Variants in SUB1 observed in about 807,000 individuals in gnomAD.
SUB1 encodes SUB1 regulator of transcription.
In SUB1, 1 loss-of-function variant was observed where a neutral mutation model predicts 16.9. That is an observed-to-expected ratio of 0.06 (90% CI 0.02 to 0.28). SUB1 has a LOEUF of 0.28. Ranked by LOEUF, SUB1 falls within the 10% of genes least tolerant of loss-of-function variation. The pLI is 1.00. For missense variants in SUB1, 84 were observed against 145.2 expected (o/e 0.58, Z 2.16); for synonymous variants, 51 against 46.9 (o/e 1.09, Z -0.36).
intron 2 of SUB1, among the ~76,000 whole-genome samples, chr5:32,589,736 A>G (rs1193860564): frequency 6.6e-6 from 1 of 152,358 alleles, no homozygotes; most frequent in Admixed American, 6.5e-5. Flanking sequence ...TAGAAATAGA[A>G]TAAGTTGGTC....
chr5:32,596,369 A>G (rs2111676551), intron 3 of SUB1: 1 of 152,290 alleles, frequency 6.6e-6, no homozygotes, highest in East Asian at 1.9e-4. Flanking sequence ...TTTCTGAAGC[A>G]TCTTTTTAAA....
chr5:32,591,770 G>T (rs1479255996), intron 3 of SUB1, 85 bp downstream of exon 3: 2 of 1,400,364 alleles, frequency 1.4e-6, no homozygotes, highest in Admixed American at 2.8e-5. Context: ...GCGCCATCTC[G>T]GCTCACTGCA....
Position 32,598,665 on chromosome 5 carries a change from A to G in SUB1, c.196-296A>G, listed in dbSNP as rs536326800. On this transcript the variant is annotated intron_variant, in intron 3 of 4. Transcript: ENST00000265073. Reference sequence around the variant, plus strand: ...CCTCATATCTAGGTATGTTTTATGCATTCATGACATACCTAACTTTTTCTT... The same window carrying G: ...CCTCATATCTAGGTATGTTTTATGCGTTCATGACATACCTAACTTTTTCTT... The G allele has an allele frequency of 2.2e-5, 5 of 227,628 alleles. No individual in the cohort carries two copies. The South Asian group carries it at 5.4e-4, about 24-fold the overall frequency. The allele number at this position is 227,628 out of a possible 1,614,324, so 14.1% of individuals were successfully genotyped here. A position where few individuals can be genotyped will look rare whatever the true frequency, so the allele number is the denominator to read the frequency against.
chr5:32,586,227 CA>C (rs1182871508), intron 1 of SUB1: 1 of 152,302 alleles, frequency 6.6e-6, no homozygotes, highest in Non-Finnish European at 1.5e-5. Context: ...GGCTGCTAGC[CA>C]CGGGGTTCTA....
chr5:32,600,597 C>T (rs73063658), intron 4 of SUB1, among the ~76,000 whole-genome samples: 24 of 148,200 alleles, frequency 1.6e-4, no homozygotes, highest in African/African-American at 6.0e-4. Flanking sequence ...GCATTGTGTC[C>T]AAGTGGCAAT....
intron 3 of SUB1, 62 bp from the exon 4 acceptor site, chr5:32,598,899 A>G: frequency 7.8e-7 from 1 of 1,278,524 alleles, no homozygotes; most frequent in Non-Finnish European, 1.1e-6. Context: ...GAATATGAAT[A>G]CAATTGAAAC....
chr5:32,591,968 G>A (rs1738839480), intron 3 of SUB1, among the ~76,000 whole-genome samples: 1 of 152,198 alleles, frequency 6.6e-6, no homozygotes, highest in Non-Finnish European at 1.5e-5. Context: ...AAAGTGCTGG[G>A]TTTACAGGTG....
Position 32,601,262 on chromosome 5 carries a change from G to A in SUB1, c.*178G>A, listed in dbSNP as rs1043308907. The A allele has an allele frequency of 3.9e-5, 22 of 557,734 alleles. No individual in the cohort carries two copies. Among genetic ancestry groups the A allele is most frequent in the African/African-American group, 3.7e-4 (19 of 51,456 alleles). 34.5% of individuals were successfully genotyped at this position (557,734 alleles called of 1,614,324 possible). ...TTAAAAATATTGAGTGAAGCTAATT[G>A]TCAACTTTATTAAGGATTACTTTGT... On this transcript the variant is annotated 3_prime_UTR_variant, in exon 5 of 5. Coordinates refer to ENST00000265073, the MANE Select transcript of SUB1 (RefSeq NM_006713.4).
chr5:32,588,438 T>C, intron 1 of SUB1, 74 bp from the exon 2 acceptor site: 3 of 1,342,554 alleles, frequency 2.2e-6, no homozygotes, highest in Non-Finnish European at 3.1e-6. Context: ...ATTTTTTTCT[T>C]TGATTGGGGG....
At chr5:32,589,464 G>A (rs1738761535) in intron 2 of SUB1, among the ~76,000 whole-genome samples, 1 of 152,146 alleles carries the variant, frequency 6.6e-6, no homozygotes, top group African/African-American at 2.4e-5. Flanking sequence ...TTTAGACTTG[G>A]TACATTTTTA....
At chr5:32,592,907 G>C (rs1227983135) in intron 3 of SUB1, among the ~76,000 whole-genome samples, 1 of 152,212 alleles carries the variant, frequency 6.6e-6, no homozygotes, top group Non-Finnish European at 1.5e-5. Flanking sequence ...GGTTAAGAGA[G>C]AGGGTGAAGG....
chr5:32,600,948 G>C, intron 4 of SUB1, 57 bp from the exon 5 acceptor site: 2 of 1,511,902 alleles, frequency 1.3e-6, no homozygotes. Context: ...TTGGAAGTAT[G>C]AAAATCCTCA....
rs139066611 is a variant in SUB1, at chr5:32,587,150, G to GCTA, written c.-1-1359_-1-1357dup. Among the ~76,000 whole-genome samples, 1,105 of 152,226 alleles carry GCTA rather than the reference G, an allele frequency of 7.3e-3. 19 individuals carry two copies. Among genetic ancestry groups the GCTA allele is most frequent in the African/African-American group, 0.026 (1,072 of 41,542 alleles). ...CTAAGCATGTGGGAGTTATTTATGT[G>GCTA]CTACTGCTCAAGATCATCGCCAAGG... On this transcript the variant is annotated intron_variant, in intron 1 of 4. Coordinates refer to ENST00000265073, the MANE Select transcript of SUB1 (RefSeq NM_006713.4).
intron 3 of SUB1, among the ~76,000 whole-genome samples, chr5:32,593,911 C>G (rs1738892519): frequency 6.6e-6 from 1 of 152,120 alleles, no homozygotes; most frequent in South Asian, 2.1e-4. Flanking sequence ...CCAGGATGGT[C>G]TCGATCTCTT....
intron 3 of SUB1, among the ~76,000 whole-genome samples, 183 bp downstream of exon 3, chr5:32,591,868 T>C (rs1238135985): frequency 6.6e-6 from 1 of 151,968 alleles, no homozygotes; most frequent in Admixed American, 6.6e-5. Context: ...CCTGGCTAAT[T>C]TTTGTATTTT....
chr5:32,590,106 A>G (rs1456291810), intron 2 of SUB1, among the ~76,000 whole-genome samples: 1 of 152,204 alleles, frequency 6.6e-6, no homozygotes, highest in African/African-American at 2.4e-5. Flanking sequence ...ACTATTCCAC[A>G]GGGAATACTT....
intron 2 of SUB1, among the ~76,000 whole-genome samples, 170 bp downstream of exon 2, chr5:32,588,754 T>G (rs555545543): frequency 2.6e-5 from 4 of 152,248 alleles, no homozygotes; most frequent in African/African-American, 9.6e-5. Context: ...GCAGGATTGC[T>G]TGAGGCCAAG....
At chr5:32,598,909 C>T in intron 3 of SUB1, 52 bp from the exon 4 acceptor site, 2 of 1,380,368 alleles carry the variant, frequency 1.4e-6, no homozygotes, top group African/African-American at 2.9e-5. Context: ...ACAATTGAAA[C>T]AGATACCACT....
At chr5:32,587,121 AACGCTAAGCATGTGGGAGTT>A (rs1738692768) in intron 1 of SUB1, among the ~76,000 whole-genome samples, 1 of 152,208 alleles carries the variant, frequency 6.6e-6, no homozygotes, top group South Asian at 2.1e-4. Flanking sequence ...CCATTATTGG[AACGCTAAGCATGTGGGAGTT>A]ATTTATGTGC....
Sources: gnomAD v4.1 joint callset for allele counts (sites outside exome capture counted in the v4.1 genomes callset) on GRCh38, gnomAD v4.1.1 for gene constraint, MANE v1.5 for transcripts, NCBI Gene and HGNC (gene_info 2026-07-23, HGNC 2026-07-21) for gene names.